OGFOD1: variants seen among roughly 807,000 people sequenced by gnomAD.
OGFOD1 encodes the protein prolyl 3-hydroxylase OGFOD1.
Under a neutral mutation model 67.7 loss-of-function variants are expected in OGFOD1, and 54 were observed. That is an observed-to-expected ratio of 0.80 (90% confidence interval 0.64 to 1.00). OGFOD1 has a LOEUF of 1.00. OGFOD1 is among the 50% of genes least tolerant of loss of function. The pLI is 0.00. For missense variants in OGFOD1, 606 were observed against 646.7 expected, an observed-to-expected ratio of 0.94 and a Z score of 0.68; for synonymous variants, 221 against 227.0, an observed-to-expected ratio of 0.97 and a Z score of 0.24.
intron 6 of OGFOD1, 75 bp from the exon 7 acceptor site, chr16:56,467,090 A>G: frequency 6.3e-7 from 1 of 1,595,574 alleles, no homozygotes; most frequent in Non-Finnish European, 8.6e-7. Flanking sequence ...AGCATGGAGG[A>G]CCCTGAAATT....
chr16:56,461,859 G>A (rs1026810508), intron 3 of OGFOD1, among the ~76,000 whole-genome samples: 3 of 152,202 alleles, frequency 2.0e-5, no homozygotes, highest in South Asian at 4.2e-4. Context: ...ACTGGAGGCC[G>A]AGGCAGGCGG....
Position 56,466,946 on chromosome 16 carries a change from A to T in OGFOD1, c.636A>T (p.Val212=). ...GGAACAAACTGGTTTTCTTTGAAGT[A>T]TCTCCTGTGTCCTTTCACCAGGTAA... ...PSWNKLVFFE[V]SPVSFHQVSE... Residue 212 remains valine, a synonymous_variant, in exon 6 of 13, where the codon GTA becomes GTT. Transcript: ENST00000566157. 1.2e-6 allele frequency: 2 copies of T among 1,612,612 alleles called. No individual in the cohort carries two copies. The highest frequency in any genetic ancestry group is 1.7e-6 in the Non-Finnish European group (2 of 1,178,596).
At chr16:56,455,688 C>T (rs1470117848) in intron 2 of OGFOD1, among the ~76,000 whole-genome samples, 1 of 152,124 alleles carries the variant, frequency 6.6e-6, no homozygotes, top group African/African-American at 2.4e-5. Context: ...AGGACTTGCC[C>T]AGTATTCTGT....
At chr16:56,470,105 T>C (rs762410836) in intron 9 of OGFOD1, 23 bp downstream of exon 9, 2 of 1,604,458 alleles carry the variant, frequency 1.2e-6, no homozygotes, top group East Asian at 2.2e-5. Flanking sequence ...ATCTGAGATA[T>C]TTGCTTCTAC....
chr16:56,466,214 G>C lies in OGFOD1; in HGVS notation c.511G>C (p.Val171Leu). ...GRRIAFILYL[V>L]PPWDRSMGGT... is the part of the protein sequence containing the mutation. ...CCGGATTGCCTTCATCCTGTACCTGGTTCCTCCCTGGGACAGGAGCATGGG... is the reference window on the plus strand; with the variant it reads ...CCGGATTGCCTTCATCCTGTACCTGCTTCCTCCCTGGGACAGGAGCATGGG... Residue 171 changes from valine (V) to leucine (L), a missense_variant, in exon 5 of 13, where the codon GTT (valine) becomes CTT (leucine). By Grantham distance (32) the Val-to-Leu change is conservative. Transcript: ENST00000566157. 1 of 1,614,100 alleles carries C rather than the reference G, an allele frequency of 6.2e-7. No individual in the cohort carries two copies. The highest frequency in any genetic ancestry group is 8.5e-7 in the Non-Finnish European group (1 of 1,179,988).
At position 56,467,344 on chromosome 16, in the gene OGFOD1, G is replaced by T. The variant is rs772527034; in HGVS notation, c.786+51G>T. 7 of 1,585,138 alleles carry T rather than the reference G, an allele frequency of 4.4e-6. No individual in the cohort carries two copies. The East Asian group carries it at 1.4e-4, about 31-fold the overall frequency. Reference sequence around the variant, plus strand: ...TCTTAGGAGCTATAGCATATCATTTGTTTCTCTGATTTTAAAATTAGCTGT... The same window carrying T: ...TCTTAGGAGCTATAGCATATCATTTTTTTCTCTGATTTTAAAATTAGCTGT... On this transcript the variant is annotated intron_variant, in intron 7 of 12. Coordinates refer to ENST00000566157, the MANE Select transcript of OGFOD1 (RefSeq NM_018233.4).
chr16:56,464,750 T>C (rs561622409), intron 4 of OGFOD1, among the ~76,000 whole-genome samples: 7 of 152,234 alleles, frequency 4.6e-5, no homozygotes, highest in Non-Finnish European at 7.4e-5. Flanking sequence ...CAAAACAAGA[T>C]TTTCCAAGCT....
chr16:56,470,322 G>A, intron 9 of OGFOD1, 165 bp from the exon 10 acceptor site: 3 of 708,900 alleles, frequency 4.2e-6, no homozygotes, highest in Non-Finnish European at 6.9e-6. Context: ...GTAGCAGGAT[G>A]TCCTAACAAA....
In OGFOD1 at chr16:56,474,810, C is replaced by CTTTT; in HGVS notation, c.1286-10_1286-7dup. The CTTTT allele has an allele frequency of 1.6e-6, 2 of 1,213,302 alleles. No individual in the cohort carries two copies. The highest frequency in any genetic ancestry group is 1.5e-5 in the South Asian group (1 of 65,520). The allele number at this position is 1,213,302 out of a possible 1,614,324, so 75.2% of individuals were successfully genotyped here. On this transcript the variant is annotated splice_polypyrimidine_tract_variant and intron_variant, in intron 10 of 12. Transcript: ENST00000566157. The stretch of plus-strand genomic sequence containing the variant: ...AAGGTTATTTTTTAAAGTTTCTCAT[C>CTTTT]TTTTTTTTTTTCCTTAGAATCAAGT...
chr16:56,461,713 T>G (rs1284490912), intron 3 of OGFOD1, among the ~76,000 whole-genome samples: 2 of 152,188 alleles, frequency 1.3e-5, no homozygotes, highest in African/African-American at 4.8e-5. Flanking sequence ...AATTGAATTT[T>G]AAGACACTCA....
Position 56,470,196 on chromosome 16 carries a change from C to T in OGFOD1, c.980+114C>T, listed in dbSNP as rs572048743. ...AAAAATAGACTGAGGTGATGACAGG[C>T]AGTTCATGAAAGAAAATCAAATAAC... On this transcript the variant is annotated intron_variant, in intron 9 of 12. Coordinates refer to ENST00000566157, the MANE Select transcript of OGFOD1 (RefSeq NM_018233.4). 5 of 901,812 alleles carry T rather than the reference C, an allele frequency of 5.5e-6. No individual in the cohort carries two copies. The East Asian group carries it at 1.0e-4, about 19-fold the overall frequency. The allele number at this position is 901,812 out of a possible 1,614,324, so 55.9% of individuals were successfully genotyped here.
At chr16:56,460,670 T>A (rs1962683436) in intron 3 of OGFOD1, among the ~76,000 whole-genome samples, 1 of 152,182 alleles carries the variant, frequency 6.6e-6, no homozygotes, top group Non-Finnish European at 1.5e-5. Context: ...TGATAGTGTA[T>A]AATATAAAAA....
chr16:56,477,413 G>A lies in OGFOD1; in HGVS notation c.*1208G>A, dbSNP rs1457183239. 1 of 152,192 alleles carries A rather than the reference G, an allele frequency of 6.6e-6. No homozygotes were observed. Among genetic ancestry groups the A allele is most frequent in the Non-Finnish European group, 1.5e-5 (1 of 68,060 alleles). The allele number at this position is 152,192 out of a possible 1,614,324, so 9.4% of individuals were successfully genotyped here. On this transcript the variant is annotated 3_prime_UTR_variant, in exon 13 of 13. Coordinates refer to ENST00000566157, the MANE Select transcript of OGFOD1 (RefSeq NM_018233.4). ...TGGTAAAGAAGATAGGCTGCTTATTGCCATGTGTAGTCACTTCCAAGTGCC... is the reference window on the plus strand; with the variant it reads ...TGGTAAAGAAGATAGGCTGCTTATTACCATGTGTAGTCACTTCCAAGTGCC...
At chr16:56,464,728 T>C (rs543532045) in intron 4 of OGFOD1, among the ~76,000 whole-genome samples, 4 of 152,304 alleles carry the variant, frequency 2.6e-5, no homozygotes, top group African/African-American at 7.2e-5. Flanking sequence ...CTTTTTTTTT[T>C]CCTACTTTCT....
intron 3 of OGFOD1, 45 bp downstream of exon 3, chr16:56,458,639 A>G (rs1365456812): frequency 1.4e-6 from 2 of 1,452,632 alleles, no homozygotes; most frequent in East Asian, 4.5e-5. Context: ...TGTGCCAGGC[A>G]GAGTAGTAAG....
rs1392220183 is a variant in OGFOD1, at chr16:56,458,603, G to T, written c.347+9G>T. On this transcript the variant is annotated intron_variant, in intron 3 of 12. Coordinates refer to ENST00000566157, the MANE Select transcript of OGFOD1 (RefSeq NM_018233.4). The stretch of plus-strand genomic sequence containing the variant: ...CACATCTCCACTTTAAGGTAAACAA[G>T]TAATCATATTTGTTGGGTGCTAATA... 6.2e-7 allele frequency: 1 copy of T among 1,607,494 alleles called. No homozygotes were observed. Among genetic ancestry groups the T allele is most frequent in the African/African-American group, 1.3e-5 (1 of 74,894 alleles).
Position 56,478,499 on chromosome 16 carries a change from C to T in OGFOD1, c.*2294C>T, listed in dbSNP as rs921246373. On this transcript the variant is annotated 3_prime_UTR_variant, in exon 13 of 13. Transcript: ENST00000566157. Reference sequence around the variant, plus strand: ...AGCTGACTAAAGGTCATCTCACTCACTTGCCTTCTGATGTGTTTTCATGAG... The same window carrying T: ...AGCTGACTAAAGGTCATCTCACTCATTTGCCTTCTGATGTGTTTTCATGAG... The T allele has an allele frequency of 2.0e-5, 3 of 152,178 alleles. No individual in the cohort carries two copies. Among genetic ancestry groups the T allele is most frequent in the African/African-American group, 7.2e-5 (3 of 41,428 alleles). The allele number at this position is 152,178 out of a possible 1,614,324, so 9.4% of individuals were successfully genotyped here. A position where few individuals can be genotyped will look rare whatever the true frequency, so the allele number is the denominator to read the frequency against.
Position 56,478,869 on chromosome 16 carries a change from A to C in OGFOD1, c.*2664A>C, listed in dbSNP as rs1417132621. 6.6e-6 allele frequency: 1 copy of C among 152,220 alleles called. No individual in the cohort carries two copies. The highest frequency in any genetic ancestry group is 1.5e-5 in the Non-Finnish European group (1 of 68,030). 9.4% of individuals were successfully genotyped at this position (152,220 alleles called of 1,614,324 possible). ...TGCTGTCAGTTACATCATCTACAGC[A>C]GCACCTCTTAGATTGTGAAGGATGG... is the stretch of plus-strand genomic sequence containing the variant. On this transcript the variant is annotated 3_prime_UTR_variant, in exon 13 of 13. Coordinates refer to ENST00000566157, the MANE Select transcript of OGFOD1 (RefSeq NM_018233.4).
At chr16:56,454,699 TG>T (rs1231411169) in intron 2 of OGFOD1, 1 of 378,704 alleles carries the variant, frequency 2.6e-6, no homozygotes, top group Non-Finnish European at 5.2e-6. Flanking sequence ...TTTTTTTTTT[TG>T]CATTTTCCCA....
Sources: allele counts gnomAD v4.1 joint callset (sites outside exome capture counted in the v4.1 genomes callset), GRCh38; gene constraint gnomAD v4.1.1; transcripts MANE v1.5; gene names NCBI Gene and HGNC (gene_info 2026-07-23, HGNC 2026-07-21).